ENPP3: variants seen among roughly 807,000 people sequenced by gnomAD.
The protein encoded by ENPP3 is ectonucleotide pyrophosphatase/phosphodiesterase 3, also known as ectonucleotide pyrophosphatase/phosphodiesterase family member 3.
A neutral mutation model predicts 117.8 loss-of-function variants in ENPP3; 104 were observed. The observed-to-expected ratio is 0.88, with a 90% CI of 0.75 to 1.04. ENPP3 has a LOEUF of 1.04. Among genes scored for constraint, ENPP3 ranks in the 50% least tolerant of loss-of-function variants. The pLI is 0.00. For missense variants in ENPP3, 1,026 were observed against 1,051.9 expected, an observed-to-expected ratio of 0.98 and a Z score of 0.34; for synonymous variants, 380 against 349.9, an observed-to-expected ratio of 1.09 and a Z score of -0.96.
intron 1 of ENPP3, among the ~76,000 whole-genome samples, chr6:131,639,251 A>G (rs1777990064): frequency 1.9e-5 from 1 of 53,562 alleles, no homozygotes; most frequent in South Asian, 8.8e-4. Flanking sequence ...ATGCTAATAT[A>G]TATATATATA....
intron 11 of ENPP3, among the ~76,000 whole-genome samples, chr6:131,680,066 A>G (rs913346175): frequency 3.3e-5 from 5 of 152,204 alleles, no homozygotes; most frequent in Admixed American, 3.3e-4. Flanking sequence ...ACAGGACCAG[A>G]TCTATGTGTA....
chr6:131,645,214 A>G (rs933773354), intron 2 of ENPP3, among the ~76,000 whole-genome samples: 2 of 152,234 alleles, frequency 1.3e-5, no homozygotes, highest in African/African-American at 4.8e-5. Flanking sequence ...CTGCTTTGCC[A>G]TAGATCAAGG....
At chr6:131,696,376 A>G (rs948145951) in intron 15 of ENPP3, among the ~76,000 whole-genome samples, 1 of 152,212 alleles carries the variant, frequency 6.6e-6, no homozygotes, top group African/African-American at 2.4e-5. Flanking sequence ...AGAACCACGT[A>G]CAAGGCTCAA....
intron 2 of ENPP3, among the ~76,000 whole-genome samples, chr6:131,643,923 C>CTGTGTGTG (rs754599772): frequency 1.4e-5 from 2 of 142,228 alleles, no homozygotes; most frequent in Non-Finnish European, 3.0e-5. Context: ...TCAGGGTCGT[C>CTGTGTGTG]TGTGTGTGTG....
At chr6:131,725,313 T>C (rs1015055091) in intron 19 of ENPP3, among the ~76,000 whole-genome samples, 4 of 152,082 alleles carry the variant, frequency 2.6e-5, no homozygotes, top group Admixed American at 2.6e-4. Flanking sequence ...ACAACAGAAA[T>C]TTACTTCTCA....
chr6:131,687,493 A>G (rs1779178276), intron 14 of ENPP3, among the ~76,000 whole-genome samples: 1 of 152,200 alleles, frequency 6.6e-6, no homozygotes, highest in Non-Finnish European at 1.5e-5. Flanking sequence ...CAATTACAAC[A>G]AAACAAAAAA....
At position 131,675,099 on chromosome 6, in the gene ENPP3, A is replaced by G. The variant is rs776096391; in HGVS notation, c.782A>G (p.Tyr261Cys). The G allele has an allele frequency of 1.8e-5, 29 of 1,613,170 alleles. No homozygotes were observed. The South Asian group carries it at 2.6e-4, about 15-fold the overall frequency. Residue 261 changes from tyrosine to cysteine, a missense_variant, in exon 9 of 25, where the codon TAT becomes TGT. By Grantham distance (194) the Tyr-to-Cys change is radical. Coordinates refer to ENST00000357639, the MANE Select transcript of ENPP3 (RefSeq NM_005021.5). ...TTACAGATGTGGCTGACAGCAATGT[A>G]TCAAGGTTTAAAAGCCGCTACCTAC... is the stretch of plus-strand genomic sequence containing the variant. The part of the protein sequence containing the change: ...HGQPMWLTAM[Y>C]QGLKAATYFW...
intron 4 of ENPP3, 34 bp from the exon 5 acceptor site, chr6:131,652,797 G>A: frequency 6.3e-7 from 1 of 1,599,048 alleles, no homozygotes; most frequent in Non-Finnish European, 8.6e-7. Context: ...CTGTGCTGCA[G>A]CAAGTATCAA....
intron 6 of ENPP3, among the ~76,000 whole-genome samples, chr6:131,663,806 T>C (rs950286036): frequency 2.0e-5 from 3 of 152,156 alleles, no homozygotes; most frequent in Admixed American, 2.0e-4. Context: ...CCTACTGCAC[T>C]GCCAGTCATA....
chr6:131,685,249 A>G (rs1361063975), intron 12 of ENPP3, 115 bp from the exon 13 acceptor site: 4 of 929,468 alleles, frequency 4.3e-6, no homozygotes, highest in Non-Finnish European at 3.3e-6. Context: ...GTAAATTCTC[A>G]GTGAAGCTTA....
intron 6 of ENPP3, among the ~76,000 whole-genome samples, chr6:131,668,813 G>A (rs540078406): frequency 4.0e-4 from 61 of 152,192 alleles, no homozygotes; most frequent in African/African-American, 1.4e-3. Flanking sequence ...GGTTTATTGC[G>A]TGTCTTTCCA....
At chr6:131,676,698 A>T in intron 9 of ENPP3, 38 bp from the exon 10 acceptor site, 1 of 1,313,994 alleles carries the variant, frequency 7.6e-7, no homozygotes, top group South Asian at 1.2e-5. Context: ...TCTTGATTTG[A>T]TTCATTTTAA....
At chr6:131,713,772 C>CT (rs1324392025) in intron 15 of ENPP3, among the ~76,000 whole-genome samples, 1 of 151,996 alleles carries the variant, frequency 6.6e-6, no homozygotes, top group Non-Finnish European at 1.5e-5. Flanking sequence ...GTTGATGATG[C>CT]TTTTTTTAAA....
At position 131,717,924 on chromosome 6, in the gene ENPP3, T is replaced by C. The variant is rs572137765; in HGVS notation, c.1413-748T>C. Among the ~76,000 whole-genome samples, 9 of 152,348 alleles carry C rather than the reference T, an allele frequency of 5.9e-5. No individual in the cohort carries two copies. In the South Asian group the frequency reaches 1.7e-3, roughly 28 times the overall value. ...TCCTTACCATTGTGTTACAGCTGCC[T>C]GTGGTATTCAGTACAGTAGCATGCT... On this transcript the variant is annotated intron_variant, in intron 15 of 24. Coordinates refer to ENST00000357639, the MANE Select transcript of ENPP3 (RefSeq NM_005021.5).
At position 131,679,026 on chromosome 6, in the gene ENPP3, C is replaced by CTTCCTTCTTTCTTTCTTTCTTTCT. The variant is rs1562446870; in HGVS notation, c.1011+1089_1011+1090insCTTCTTTCTTTCTTTCTTTCTTTC. Among the ~76,000 whole-genome samples, 15 of 47,858 alleles carry CTTCCTTCTTTCTTTCTTTCTTTCT rather than the reference C, an allele frequency of 3.1e-4. No individual in the cohort carries two copies. In the East Asian group the frequency reaches 5.1e-3, roughly 16 times the overall value. The allele number at this position is 47,858 out of a possible 152,430, so 31.4% of individuals were successfully genotyped here. A position where few individuals can be genotyped will look rare whatever the true frequency, so the allele number is the denominator to read the frequency against. The stretch of plus-strand genomic sequence containing the variant: ...GCTTCCTTCCTTCCTTCCTTCCTTC[C>CTTCCTTCTTTCTTTCTTTCTTTCT]TTCTTTCTTTCTTTCTTTCTTTCTT... On this transcript the variant is annotated intron_variant, in intron 11 of 24. Coordinates refer to ENST00000357639, the MANE Select transcript of ENPP3 (RefSeq NM_005021.5).
intron 24 of ENPP3, among the ~76,000 whole-genome samples, chr6:131,740,836 C>G (rs550976035): frequency 6.6e-6 from 1 of 152,270 alleles, no homozygotes; most frequent in Admixed American, 6.5e-5. Context: ...GTCCTCTCTT[C>G]TAGCTATCTT....
intron 15 of ENPP3, among the ~76,000 whole-genome samples, chr6:131,716,003 A>G (rs1229531225): frequency 3.4e-5 from 5 of 147,612 alleles, no homozygotes; most frequent in Non-Finnish European, 5.9e-5. Flanking sequence ...TTATGTGTAG[A>G]ATGGAGATAC....
rs1780644200 is a variant in ENPP3 at position 131,746,781 on chromosome 6, T to C, written c.2458-5T>C. 6.3e-7 allele frequency: 1 copy of C among 1,591,502 alleles called. No homozygotes were observed. The highest frequency in any genetic ancestry group is 8.5e-7 in the Non-Finnish European group (1 of 1,173,498). On this transcript the variant is annotated splice_region_variant and splice_polypyrimidine_tract_variant and intron_variant, in intron 24 of 24. Coordinates refer to ENST00000357639, the MANE Select transcript of ENPP3 (RefSeq NM_005021.5). ...AAAAAAAAGTGTTGTGCTTTTCTTT[T>C]TCAGGAAGGTAAACCAGAAGCTCTT...
chr6:131,648,669 T>C (rs768596556), intron 2 of ENPP3, among the ~76,000 whole-genome samples: 21 of 152,208 alleles, frequency 1.4e-4, no homozygotes, highest in Non-Finnish European at 3.1e-4. Flanking sequence ...TAGAAACAAG[T>C]TGTGCATAGT....
Sources: allele counts gnomAD v4.1 joint callset (sites outside exome capture counted in the v4.1 genomes callset), GRCh38; gene constraint gnomAD v4.1.1; transcripts MANE v1.5; gene names NCBI Gene and HGNC (gene_info 2026-07-23, HGNC 2026-07-21).